The following RFC5 variants were observed in gnomAD, a reference collection of about 807,000 sequenced individuals.
RFC5 encodes the protein A1 36 kDa subunit.
In RFC5, 26 loss-of-function variants were observed where a neutral mutation model predicts 44.3. The ratio of observed to expected loss-of-function variants is 0.59; its 90% CI spans 0.43 to 0.81. RFC5 has a LOEUF of 0.81. Ranked by LOEUF, RFC5 falls within the 40% of genes least tolerant of loss-of-function variation. RFC5 has a pLI of 0.00. For synonymous variants in RFC5, 155 were observed against 155.2 expected (o/e 1.00, Z 0.01); for missense variants, 328 against 418.6 (o/e 0.78, Z 1.89).
Position 118,019,006 on chromosome 12 carries a change from A to G in RFC5, c.66-66A>G, listed in dbSNP as rs2030300185. ...GAGCCACTGTGCCTGACCTGCAAGG[A>G]TTCTTTTGCACATAAAATATTCTTG... is the stretch of plus-strand genomic sequence containing the variant. On this transcript the variant is annotated intron_variant, in intron 1 of 10. Transcript: ENST00000454402. The surrounding 1 kb of genome is among the most constrained non-coding windows in gnomAD (Gnocchi z 4.2). The G allele has an allele frequency of 8.0e-7, 1 of 1,243,814 alleles. No individual in the cohort carries two copies. Among genetic ancestry groups the G allele is most frequent in the African/African-American group, 1.5e-5 (1 of 67,730 alleles). The allele number at this position is 1,243,814 out of a possible 1,614,324, so 77.0% of individuals were successfully genotyped here.
intron 5 of RFC5, among the ~76,000 whole-genome samples, chr12:118,023,744 C>T (rs2030715815): frequency 6.6e-6 from 1 of 150,514 alleles, no homozygotes; most frequent in Non-Finnish European, 1.5e-5. Flanking sequence ...CAAAAAGCCG[C>T]CCTCCCTGCC....
downstream of RFC5, among the ~76,000 whole-genome samples, chr12:118,036,682 T>C (rs77339760): frequency 0.13 from 19,331 of 152,152 alleles, 1,504 homozygotes; most frequent in Middle Eastern, 0.17. Flanking sequence ...ATAAGGCAAC[T>C]GGTCTGGATT....
intron 6 of RFC5, chr12:118,025,517 CCTAAATTCAG>C: frequency 2.1e-6 from 1 of 468,720 alleles, no homozygotes. Flanking sequence ...AATGCTTGTT[CCTAAATTCAG>C]GCTGTTCTCG....
chr12:118,016,747 G>A lies in RFC5; in HGVS notation c.-81G>A, dbSNP rs1593432184. 2 of 1,172,782 alleles carry A rather than the reference G, an allele frequency of 1.7e-6. No homozygotes were observed. Among genetic ancestry groups the A allele is most frequent in the East Asian group, 2.6e-5 (1 of 39,072 alleles). 72.6% of individuals were successfully genotyped at this position (1,172,782 alleles called of 1,614,324 possible). A position where few individuals can be genotyped will look rare whatever the true frequency, so the allele number is the denominator to read the frequency against. On this transcript the variant is annotated 5_prime_UTR_variant, in exon 1 of 11. Coordinates refer to ENST00000454402, the MANE Select transcript of RFC5 (RefSeq NM_007370.7). ...GAACTGTAAGTGCCAGGGTCTCAGGGTCAGGTCGCGGCTGGTCACTGTGCA... is the reference window on the plus strand; with the variant it reads ...GAACTGTAAGTGCCAGGGTCTCAGGATCAGGTCGCGGCTGGTCACTGTGCA...
chr12:118,019,131 G>A lies in RFC5; in HGVS notation c.125G>A (p.Ser42Asn), dbSNP rs368899386. ...NDLISHQDIL[S>N]TIQKFINEDR... Reference sequence around the variant, plus strand: ...CTCATTTCTCATCAGGACATTCTGAGTACCAGTAAGTATTCATGTGTCAGT... The same window carrying A: ...CTCATTTCTCATCAGGACATTCTGAATACCAGTAAGTATTCATGTGTCAGT... Residue 42 changes from serine to asparagine, a missense_variant, in exon 2 of 11, where the codon AGT becomes AAT. By Grantham distance (46) the Ser-to-Asn change is conservative (BLOSUM62 1). Coordinates refer to ENST00000454402, the MANE Select transcript of RFC5 (RefSeq NM_007370.7). This position sits in a 1 kb window ranked among gnomAD's most constrained non-coding sequence, Gnocchi z 4.2. The A allele has an allele frequency of 1.9e-6, 3 of 1,610,180 alleles. No individual in the cohort carries two copies. The highest frequency in any genetic ancestry group is 2.7e-5 in the African/African-American group (2 of 74,870).
At chr12:118,029,966 G>C in intron 10 of RFC5, 141 bp downstream of exon 10, 1 of 705,592 alleles carries the variant, frequency 1.4e-6, no homozygotes, top group African/African-American at 1.8e-5. Context: ...ATATTGAATG[G>C]AATGTGGGGA....
chr12:118,032,676 A>G (rs2031386063), downstream of RFC5: 1 of 151,806 alleles, frequency 6.6e-6, no homozygotes, highest in Non-Finnish European at 1.5e-5. Context: ...GCACACCAGC[A>G]CCACACTAAG....
At chr12:118,030,112 T>A (rs2031219015) in intron 10 of RFC5, among the ~76,000 whole-genome samples, 1 of 152,174 alleles carries the variant, frequency 6.6e-6, no homozygotes, top group South Asian at 2.1e-4. Context: ...CCTTGTTATT[T>A]GGGAGGCCTG....
At chr12:118,021,298 A>G (rs759787096) in intron 4 of RFC5, among the ~76,000 whole-genome samples, 1 of 150,260 alleles carries the variant, frequency 6.7e-6, no homozygotes, top group Non-Finnish European at 1.5e-5. Context: ...TGCAACCTCC[A>G]CCTCCTGGGT....
chr12:118,036,632 C>G (rs553218449), downstream of RFC5: 98 of 1,013,356 alleles, frequency 9.7e-5, 1 homozygote, highest in South Asian at 1.6e-3. Flanking sequence ...TTCTCTATCC[C>G]TTTTCTACAG....
intron 9 of RFC5, among the ~76,000 whole-genome samples, chr12:118,028,265 C>A (rs1055824297): frequency 2.0e-5 from 3 of 152,114 alleles, no homozygotes; most frequent in African/African-American, 7.2e-5. Context: ...AGGCAGATCA[C>A]CTGAGGTCAG....
Position 118,020,992 on chromosome 12 carries a change from A to T in RFC5, c.347+7A>T. 6.3e-7 allele frequency: 1 copy of T among 1,576,736 alleles called. No individual in the cohort carries two copies. Among genetic ancestry groups the T allele is most frequent in the Non-Finnish European group, 8.7e-7 (1 of 1,147,636 alleles). ...GCACAAGGACAATATTTAAGTAAGA[A>T]TTATTTGTGTAATTTCGCTCCCTTG... On this transcript the variant is annotated splice_region_variant and intron_variant, in intron 4 of 10. Coordinates refer to ENST00000454402, the MANE Select transcript of RFC5 (RefSeq NM_007370.7).
chr12:118,018,468 T>C (rs1326672755), intron 1 of RFC5, among the ~76,000 whole-genome samples: 1 of 152,212 alleles, frequency 6.6e-6, no homozygotes, highest in Non-Finnish European at 1.5e-5. Flanking sequence ...TCTGCCCACC[T>C]GTGACAACTA....
chr12:118,028,353 C>T (rs1409478916), intron 9 of RFC5, among the ~76,000 whole-genome samples: 5 of 152,048 alleles, frequency 3.3e-5, no homozygotes, highest in Middle Eastern at 3.4e-3. Context: ...GGCATGGTGG[C>T]GCACGCCTGT....
intron 9 of RFC5, 68 bp from the exon 10 acceptor site, chr12:118,029,703 A>T: frequency 1.9e-6 from 2 of 1,046,412 alleles, no homozygotes; most frequent in Non-Finnish European, 3.0e-6. Flanking sequence ...GTTGAAACTC[A>T]TTTGTCCTCT....
the RFC5 span, chr12:118,038,524 T>C: frequency 1.5e-6 from 1 of 669,856 alleles, no homozygotes; most frequent in Admixed American, 3.2e-5. Context: ...AAGGGTCCAA[T>C]TTTTAATTCA....
rs1167637117 is a variant in RFC5, at chr12:118,026,795, A to G, written c.664-94A>G. ...CCATAGAACTTTGCTGCTCACCTGC[A>G]TTGCTGCCTTGGCAATTTCTTCTTG... On this transcript the variant is annotated intron_variant, in intron 7 of 10. Coordinates refer to ENST00000454402, the MANE Select transcript of RFC5 (RefSeq NM_007370.7). The G allele has an allele frequency of 1.1e-5, 16 of 1,424,950 alleles. No homozygotes were observed. The East Asian group carries it at 3.7e-4, about 33-fold the overall frequency. 88.3% of individuals were successfully genotyped at this position (1,424,950 alleles called of 1,614,324 possible).
In RFC5 at chr12:118,031,484, A is replaced by G. The variant is rs2031320767; in HGVS notation, c.*206A>G. Reference sequence around the variant, plus strand: ...GAGCAGGGATGTACAAAATAATTTTAATGTATTAACTCATACTGCCTGTCT... The same window carrying G: ...GAGCAGGGATGTACAAAATAATTTTGATGTATTAACTCATACTGCCTGTCT... On this transcript the variant is annotated 3_prime_UTR_variant, in exon 11 of 11. Transcript: ENST00000454402. 2.5e-6 allele frequency: 1 copy of G among 398,080 alleles called. No individual in the cohort carries two copies. 24.7% of individuals were successfully genotyped at this position (398,080 alleles called of 1,614,324 possible). A position where few individuals can be genotyped will look rare whatever the true frequency, so the allele number is the denominator to read the frequency against.
rs761200431 is a variant in RFC5, at chr12:118,024,939, G to A, written c.510G>A (p.Thr170=). The change falls in exon 6 of 11, where the codon ACG becomes ACA. Residue 170 remains threonine (T), a synonymous_variant. Coordinates refer to ENST00000454402, the MANE Select transcript of RFC5 (RefSeq NM_007370.7). ...KIIPALQSRC[T]RFRFGPLTPE... is the part of the protein sequence containing the mutation. ...TCCCTGCCTTGCAGTCCCGCTGCAC[G>A]AGGTTTCGGTTCGGTCCCCTGACTC... 9.9e-6 allele frequency: 16 copies of A among 1,613,996 alleles called. No homozygotes were observed. Among genetic ancestry groups the A allele is most frequent in the African/African-American group, 2.7e-5 (2 of 74,930 alleles).
Sources: allele counts gnomAD v4.1 joint callset (sites outside exome capture counted in the v4.1 genomes callset), GRCh38; gene constraint gnomAD v4.1.1; non-coding constraint Gnocchi (gnomAD v3.1); transcripts MANE v1.5; gene names NCBI Gene and HGNC (gene_info 2026-07-23, HGNC 2026-07-21).